Variants in SART3 observed in about 807,000 individuals in gnomAD.
SART3 encodes the protein spliceosome associated factor 3, U4/U6 recycling protein, also known as HIV-1 Tat-interacting protein of 110kDa.
In SART3, 44 loss-of-function variants were observed where a neutral mutation model predicts 122.3. The observed-to-expected ratio is 0.36, with a 90% CI of 0.28 to 0.46. SART3 has a LOEUF of 0.46. SART3 is among the 20% of genes least tolerant of loss of function. The pLI, the probability that SART3 is intolerant of heterozygous loss-of-function variation, is 1.00. For missense variants in SART3, 1,101 were observed against 1,229.0 expected, an observed-to-expected ratio of 0.90 and a Z score of 1.56; for synonymous variants, 442 against 454.0, an observed-to-expected ratio of 0.97 and a Z score of 0.34.
At chr12:108,536,883 A>G in intron 9 of SART3, 98 bp from the exon 10 acceptor site, 2 of 1,042,192 alleles carry the variant, frequency 1.9e-6, no homozygotes, top group South Asian at 1.3e-5. Context: ...CCCACTATGT[A>G]CCTGGCATCA....
At chr12:108,529,316 C>T (rs1293735092) in intron 15 of SART3, among the ~76,000 whole-genome samples, 1 of 152,164 alleles carries the variant, frequency 6.6e-6, no homozygotes, top group African/African-American at 2.4e-5. Context: ...CACACACACA[C>T]ACTCCCTACC....
intron 15 of SART3, among the ~76,000 whole-genome samples, chr12:108,527,940 AT>A (rs1455015508): frequency 6.6e-6 from 1 of 151,838 alleles, no homozygotes; most frequent in Non-Finnish European, 1.5e-5. Flanking sequence ...TAATTTTTGT[AT>A]TTTTAGTAGA....
chr12:108,555,656 C>T (rs1450815081), intron 1 of SART3, among the ~76,000 whole-genome samples: 3 of 152,078 alleles, frequency 2.0e-5, no homozygotes, highest in South Asian at 4.1e-4. Flanking sequence ...CAGAGCAGGA[C>T]CATGTCTCAA....
chr12:108,532,083 G>T (rs2136669013), intron 13 of SART3, 139 bp downstream of exon 13: 4 of 710,276 alleles, frequency 5.6e-6, no homozygotes, highest in Non-Finnish European at 1.0e-5. Flanking sequence ...CAGGACACTT[G>T]TGACAGTCTA....
intron 17 of SART3, among the ~76,000 whole-genome samples, chr12:108,525,219 G>A (rs1025037433): frequency 1.3e-5 from 2 of 152,260 alleles, no homozygotes; most frequent in Non-Finnish European, 2.9e-5. Flanking sequence ...ATAGTGTGGT[G>A]AATTCATGAT....
chr12:108,526,262 C>G lies in SART3; in HGVS notation c.2207G>C (p.Arg736Pro). The G allele has an allele frequency of 6.2e-7, 1 of 1,614,192 alleles. No homozygotes were observed. The highest frequency in any genetic ancestry group is 8.5e-7 in the Non-Finnish European group (1 of 1,180,036). The change falls in exon 16 of 19, where the codon CGA becomes CCA. Residue 736 changes from arginine to proline, a missense_variant. Arg to Pro is a moderately radical substitution (Grantham distance 103). Coordinates refer to ENST00000546815, the MANE Select transcript of SART3 (RefSeq NM_014706.4). ...FEACGEVVQI[R>P]PIFSNRGDFR... ...ATCCCCACGGTTGCTGAAGATGGGT[C>G]GGATCTGGACCACCTCCCCACAGGC...
In SART3 at chr12:108,525,604, G is replaced by A. The variant is rs541867415; in HGVS notation, c.2376C>T (p.Phe792=). 6.2e-7 allele frequency: 1 copy of A among 1,613,986 alleles called. No homozygotes were observed. The highest frequency in any genetic ancestry group is 1.3e-5 in the African/African-American group (1 of 75,010). Residue 792 remains phenylalanine, a synonymous_variant, in exon 17 of 19, where the codon TTC becomes TTT. Transcript: ENST00000546815. ...GTTTCTCTAGGGAAGTGCTGTACCT[G>A]AACACCTATAGGAAGAAGGAAGACA... ...DKSKNPDFKV[F]RYSTSLEKHK...
Position 108,523,116 on chromosome 12 carries a change from C to G in SART3, c.*341G>C. ...AAGAGAAGTGTCATACAAAAAGGGG[C>G]CGGAGCTGGCCAGAAACATTTGGAC... On this transcript the variant is annotated 3_prime_UTR_variant, in exon 19 of 19. Transcript: ENST00000546815. The G allele has an allele frequency of 2.6e-6, 1 of 387,848 alleles. No homozygotes were observed. Among genetic ancestry groups the G allele is most frequent in the Non-Finnish European group, 4.8e-6 (1 of 208,028 alleles). The allele number at this position is 387,848 out of a possible 1,614,324, so 24.0% of individuals were successfully genotyped here. A position where few individuals can be genotyped will look rare whatever the true frequency, so the allele number is the denominator to read the frequency against.
chr12:108,532,062 G>T, intron 13 of SART3, 160 bp downstream of exon 13: 1 of 659,908 alleles, frequency 1.5e-6, no homozygotes, highest in Non-Finnish European at 2.8e-6. Context: ...AGCTGCAGGA[G>T]GACTCATTTT....
At chr12:108,555,034 T>C (rs1045036754) in intron 1 of SART3, among the ~76,000 whole-genome samples, 6 of 152,166 alleles carry the variant, frequency 3.9e-5, no homozygotes, top group Non-Finnish European at 8.8e-5. Context: ...GACAGAAAAC[T>C]ACAATGGTAG....
chr12:108,529,889 G>A (rs371257746), intron 15 of SART3, among the ~76,000 whole-genome samples: 13 of 152,008 alleles, frequency 8.6e-5, no homozygotes, highest in Admixed American at 2.6e-4. Context: ...ATCCTGAACC[G>A]GATCCTTTCA....
rs1288042910 is a variant in SART3, at chr12:108,539,023, C to T, written c.973G>A (p.Asp325Asn). ...AAGATCAACTGAATGCGAGCAGGAT[C>T]GCCAATTTTCATCTCAAAATCGATA... is the stretch of plus-strand genomic sequence containing the variant. Reference protein sequence around the residue: ...AYIDFEMKIGDPARIQLIFER... With the variant: ...AYIDFEMKIGNPARIQLIFER... The change falls in exon 7 of 19, where the codon GAT (aspartate) becomes AAT (asparagine). Residue 325 changes from aspartate (D) to asparagine (N), a missense_variant. Coordinates refer to ENST00000546815, the MANE Select transcript of SART3 (RefSeq NM_014706.4). The T allele has an allele frequency of 3.1e-6, 5 of 1,614,090 alleles. No individual in the cohort carries two copies. Among genetic ancestry groups the T allele is most frequent in the East Asian group, 2.2e-5 (1 of 44,900 alleles).
Position 108,523,501 on chromosome 12 carries a change from T to C in SART3, c.2848A>G (p.Lys950Glu). The change falls in exon 19 of 19, where the codon AAG becomes GAG. Residue 950 changes from lysine to glutamate, a missense_variant. Physicochemically the swap from Lys to Glu is moderately conservative, Grantham distance 56. Coordinates refer to ENST00000546815, the MANE Select transcript of SART3 (RefSeq NM_014706.4). ...TTGGCAAAATCGGCATTGGACATCT[T>C]GGGTGCCTCGGTGGCTGCTGGGGCG... The part of the protein sequence containing the change: ...VAAPAATEAP[K>E]MSNADFAKLF... The C allele has an allele frequency of 6.2e-7, 1 of 1,613,312 alleles. No individual in the cohort carries two copies.
chr12:108,540,249 A>G lies in SART3; in HGVS notation c.907-1160T>C, dbSNP rs978481121. ...ACAGCAACAACAGACATCAGAAGAC[A>G]GAAAGATACAATCAATTGCTGAGAG... On this transcript the variant is annotated intron_variant, in intron 6 of 18. Coordinates refer to ENST00000546815, the MANE Select transcript of SART3 (RefSeq NM_014706.4). Among the ~76,000 whole-genome samples, 39 of 152,248 alleles carry G rather than the reference A, an allele frequency of 2.6e-4. 1 individual carries two copies. The highest frequency in any genetic ancestry group is 1.5e-5 in the Non-Finnish European group (1 of 68,044).
intron 12 of SART3, among the ~76,000 whole-genome samples, chr12:108,533,727 A>G (rs1355929689): frequency 6.6e-6 from 1 of 152,250 alleles, no homozygotes; most frequent in Admixed American, 6.5e-5. Context: ...CGATTTTTTA[A>G]TACTATAGGA....
chr12:108,545,615 A>T (rs1052039467), intron 3 of SART3, among the ~76,000 whole-genome samples: 1 of 152,208 alleles, frequency 6.6e-6, no homozygotes, highest in Non-Finnish European at 1.5e-5. Flanking sequence ...TGCTAAAATT[A>T]TCAGTGGCTC....
Position 108,526,529 on chromosome 12 carries a change from A to G in SART3, c.1940T>C (p.Val647Ala), listed in dbSNP as rs777037769. The G allele has an allele frequency of 1.9e-6, 3 of 1,613,902 alleles. No individual in the cohort carries two copies. The highest frequency in any genetic ancestry group is 2.5e-6 in the Non-Finnish European group (3 of 1,180,020). ...EEEQPSKRRR[V>A]ENSIPAAGET... ...TCCAGCTGCAGGGATGCTGTTCTCG[A>G]CCCTTCTGCGTTTGGAAGGCTGCTC... The change falls in exon 16 of 19, where the codon GTC becomes GCC. Residue 647 changes from valine to alanine, a missense_variant. Transcript: ENST00000546815.
At chr12:108,524,034 C>T in intron 18 of SART3, 1 of 561,466 alleles carries the variant, frequency 1.8e-6, no homozygotes, top group Non-Finnish European at 3.2e-6. Flanking sequence ...CACACAGATC[C>T]AACTGGCAAA....
intron 1 of SART3, among the ~76,000 whole-genome samples, chr12:108,555,732 A>C (rs1409606290): frequency 6.6e-6 from 1 of 152,212 alleles, no homozygotes; most frequent in East Asian, 1.9e-4. Flanking sequence ...TAGAATAATC[A>C]TTATGGCAAA....
Sources: gnomAD v4.1 joint callset for allele counts (sites outside exome capture counted in the v4.1 genomes callset) on GRCh38, gnomAD v4.1.1 for gene constraint, MANE v1.5 for transcripts, NCBI Gene and HGNC (gene_info 2026-07-23, HGNC 2026-07-21) for gene names.